Variants in SGSM1 observed in about 807,000 individuals in gnomAD.
The protein encoded by SGSM1 is RUN and TBC1 domain containing 2.
In SGSM1, 73 loss-of-function variants were observed where a neutral mutation model predicts 133.8. The ratio of observed to expected loss-of-function variants is 0.55; its 90% CI spans 0.45 to 0.66. The LOEUF (loss-of-function observed/expected upper bound fraction) is 0.66, where lower values mean the gene tolerates loss of function less well. Ranked by LOEUF, SGSM1 falls within the 30% of genes least tolerant of loss-of-function variation. The pLI is 0.00. For synonymous variants in SGSM1, 563 were observed against 573.0 expected, an observed-to-expected ratio of 0.98 and a Z score of 0.25; for missense variants, 1,213 against 1,448.1, an observed-to-expected ratio of 0.84 and a Z score of 2.64.
At chr22:24,858,351 A>G (rs1930927427) in intron 8 of SGSM1, among the ~76,000 whole-genome samples, 1 of 152,182 alleles carries the variant, frequency 6.6e-6, no homozygotes, top group African/African-American at 2.4e-5. Flanking sequence ...ACGGTGGCTC[A>G]TGCCTGTAAT....
At chr22:24,916,134 A>G (rs1388490127) in intron 22 of SGSM1, among the ~76,000 whole-genome samples, 1 of 152,090 alleles carries the variant, frequency 6.6e-6, no homozygotes, top group East Asian at 1.9e-4. Flanking sequence ...TCGTTTATTC[A>G]CAGAGTTATG....
intron 2 of SGSM1, among the ~76,000 whole-genome samples, chr22:24,837,376 A>G (rs890659815): frequency 6.6e-6 from 1 of 152,194 alleles, no homozygotes; most frequent in Non-Finnish European, 1.5e-5. Context: ...TATTTTCACT[A>G]ATTTACTACT....
chr22:24,859,493 C>T, intron 8 of SGSM1: 1 of 614,342 alleles, frequency 1.6e-6, no homozygotes, highest in East Asian at 3.5e-5. Flanking sequence ...GAGGCTTTCA[C>T]AGCTGGACGA....
intron 9 of SGSM1, among the ~76,000 whole-genome samples, chr22:24,863,378 C>T (rs1444515254): frequency 6.6e-6 from 1 of 152,118 alleles, no homozygotes; most frequent in East Asian, 1.9e-4. Context: ...AGGATGGTCT[C>T]GATCTCTTGA....
rs1310119878 is a variant in SGSM1 at position 24,856,198 on chromosome 22, G to A, written c.801+518G>A. On this transcript the variant is annotated intron_variant, in intron 8 of 24. Transcript: ENST00000400358. ...ACCTGCTATGTGCTAGGTGCATATG[G>A]TAGCAAGATCTTCATTCTCATGGCC... 3 of 298,022 alleles carry A rather than the reference G, an allele frequency of 1.0e-5. No individual in the cohort carries two copies. The East Asian group carries it at 2.7e-4, about 27-fold the overall frequency. The allele number at this position is 298,022 out of a possible 1,614,324, so 18.5% of individuals were successfully genotyped here.
intron 11 of SGSM1, 42 bp downstream of exon 11, chr22:24,868,581 G>A (rs781128457): frequency 8.7e-6 from 14 of 1,612,606 alleles, no homozygotes; most frequent in Non-Finnish European, 1.1e-5. Context: ...GGTGGAGGCT[G>A]GTCACAGAGG....
chr22:24,830,117 G>T (rs534080447), intron 2 of SGSM1, among the ~76,000 whole-genome samples: 18 of 152,314 alleles, frequency 1.2e-4, no homozygotes, highest in South Asian at 1.0e-3. Flanking sequence ...GTGTTCAAGG[G>T]TAATAACCTG....
chr22:24,841,383 T>C lies in SGSM1; in HGVS notation c.64-3514T>C, dbSNP rs73407267. ...TAGTTTTGTATCCTAAGATATTCTC[T>C]CTCCTGGAGAATGTTCCATGTGCAC... On this transcript the variant is annotated intron_variant, in intron 2 of 24. Transcript: ENST00000400358. Among the ~76,000 whole-genome samples the C allele has an allele frequency of 8.9e-3, 1,355 of 152,354 alleles. 17 individuals are homozygous for C. The highest frequency in any genetic ancestry group is 0.031 in the African/African-American group (1,278 of 41,578).
At chr22:24,858,469 TA>T (rs903797105) in intron 8 of SGSM1, among the ~76,000 whole-genome samples, 1 of 149,838 alleles carries the variant, frequency 6.7e-6, no homozygotes, top group African/African-American at 2.4e-5. Context: ...TTATCTTTAC[TA>T]AAAAAAAATA....
chr22:24,879,818 A>T (rs960341580), intron 14 of SGSM1, among the ~76,000 whole-genome samples: 1 of 152,050 alleles, frequency 6.6e-6, no homozygotes, highest in Non-Finnish European at 1.5e-5. Flanking sequence ...ACAGTGGAGG[A>T]TTTGTTTTCA....
rs561999510 is a variant in SGSM1, at chr22:24,912,034, G to A, written c.2819-609G>A. 2.0e-5 allele frequency among the ~76,000 whole-genome samples: 3 copies of A among 146,820 alleles called. No individual in the cohort carries two copies. The South Asian group carries it at 6.6e-4, about 32-fold the overall frequency. ...TGCGCCACTGCACTCCAGCCTGGGC[G>A]ACAGAGCGAGATTCTGTCTTAAAAA... On this transcript the variant is annotated intron_variant, in intron 21 of 24. Coordinates refer to ENST00000400358, the MANE Select transcript of SGSM1 (RefSeq NM_001098497.3).
chr22:24,913,701 C>A, intron 22 of SGSM1, among the ~76,000 whole-genome samples: 1 of 152,124 alleles, frequency 6.6e-6, no homozygotes, highest in East Asian at 1.9e-4. Context: ...CCCATGTTTC[C>A]ACCCCCACCT....
At chr22:24,893,328 G>A (rs893385743) in intron 16 of SGSM1, 103 bp from the exon 17 acceptor site, 10 of 1,227,576 alleles carry the variant, frequency 8.1e-6, no homozygotes, top group African/African-American at 6.0e-5. Context: ...TGTTAACTGC[G>A]TGAATGTTGG....
Position 24,806,224 on chromosome 22 carries a change from C to T in SGSM1, c.-102C>T. ...CCTCCGGCCGTCACTCAGCGCTCGG[C>T]CCCGCCCCGCCGCGGCTGCAGCAGC... On this transcript the variant is annotated 5_prime_UTR_variant, in exon 1 of 25. Coordinates refer to ENST00000400358, the MANE Select transcript of SGSM1 (RefSeq NM_001098497.3). 1.5e-5 allele frequency: 19 copies of T among 1,285,236 alleles called. No homozygotes were observed. Among genetic ancestry groups the T allele is most frequent in the Non-Finnish European group, 1.7e-5 (17 of 1,019,950 alleles). The allele number at this position is 1,285,236 out of a possible 1,614,324, so 79.6% of individuals were successfully genotyped here.
chr22:24,915,253 T>TAAATAAATAAATAAATAAATAAACAAAC (rs375854809), intron 22 of SGSM1, among the ~76,000 whole-genome samples: 1 of 139,428 alleles, frequency 7.2e-6, no homozygotes, highest in African/African-American at 2.6e-5. Flanking sequence ...AATAAATAAA[T>TAAATAAATAAATAAATAAATAAACAAAC]AAACAAACAG....
intron 21 of SGSM1, among the ~76,000 whole-genome samples, chr22:24,911,187 T>A (rs1413509459): frequency 2.7e-5 from 4 of 146,134 alleles, no homozygotes; most frequent in Non-Finnish European, 4.5e-5. Context: ...CAGTGAGCCG[T>A]GATTGTGCCA....
At chr22:24,831,999 G>C (rs554583426) in intron 2 of SGSM1, among the ~76,000 whole-genome samples, 1 of 152,164 alleles carries the variant, frequency 6.6e-6, no homozygotes, top group African/African-American at 2.4e-5. Context: ...CCAGAGAGTC[G>C]GGGCAGCAGA....
chr22:24,868,455 C>T lies in SGSM1; in HGVS notation c.1074C>T (p.His358=), dbSNP rs984675027. 8 of 1,613,940 alleles carry T rather than the reference C, an allele frequency of 5.0e-6. No homozygotes were observed. Among genetic ancestry groups the T allele is most frequent in the Admixed American group, 1.7e-5 (1 of 60,026 alleles). Residue 358 remains histidine (H), a synonymous_variant, in exon 11 of 25, where the codon CAC becomes CAT. Transcript: ENST00000400358. ...CCTTCCGCTTCCCCAAGGGCGGGCA[C>T]CTCCTGCAGTTCCTCTCGTGCCTGG... ...RPPFRFPKGG[H]LLQFLSCLEN...
chr22:24,905,284 C>A, intron 21 of SGSM1, 97 bp downstream of exon 21: 1 of 1,250,176 alleles, frequency 8.0e-7, no homozygotes, highest in Non-Finnish European at 1.2e-6. Flanking sequence ...TAGAATGTGG[C>A]TCCAGCCAGG....
Sources: allele counts gnomAD v4.1 joint callset (sites outside exome capture counted in the v4.1 genomes callset), GRCh38; gene constraint gnomAD v4.1.1; transcripts MANE v1.5; gene names NCBI Gene and HGNC (gene_info 2026-07-23, HGNC 2026-07-21).